GLRA3: variants seen among roughly 807,000 people sequenced by gnomAD.
The protein encoded by GLRA3 is glycine receptor alpha 3.
GLRA3 carries 44 observed loss-of-function variants against 60.4 expected under a neutral mutation model. The observed-to-expected ratio is 0.73, with a 90% confidence interval of 0.57 to 0.94. GLRA3 has a LOEUF of 0.94. GLRA3 is among the 40% of genes least tolerant of loss of function. The probability of loss-of-function intolerance (pLI) is 0.00; values close to 1 mark genes in which losing one functional copy is unlikely to be tolerated. For synonymous variants in GLRA3, 223 were observed against 192.9 expected (o/e 1.16, Z -1.29); for missense variants, 508 against 564.6 (o/e 0.90, Z 1.02).
At chr4:174,820,259 G>A (rs1578939992) in intron 1 of GLRA3, among the ~76,000 whole-genome samples, 1 of 152,292 alleles carries the variant, frequency 6.6e-6, no homozygotes, top group East Asian at 1.9e-4. Flanking sequence ...AAAATAAGCT[G>A]CACCAAATTC....
chr4:174,776,305 T>C (rs1009336743), intron 2 of GLRA3, among the ~76,000 whole-genome samples: 3 of 151,950 alleles, frequency 2.0e-5, no homozygotes, highest in Admixed American at 2.0e-4. Context: ...TGTGTCAGAG[T>C]TCCCTTTCGA....
Position 174,659,065 on chromosome 4 carries a change from T to C in GLRA3, c.1060A>G (p.Arg354Gly), listed in dbSNP as rs750510260. ...HKELLRFRRKRKNKTEAFALE... is the reference protein window; with the variant it reads ...HKELLRFRRKGKNKTEAFALE... ...GTTTAATCACTTACCTTATTCTTTC[T>C]CTTTCGTCGAAATCTCAGAAGTTCT... The change falls in exon 8 of 10, where the codon AGA becomes GGA. Residue 354 changes from arginine (R) to glycine (G), a missense_variant. This residue lies in a region of GLRA3 where 176 missense variants were observed against 197.9 expected (regional missense o/e 0.89). Transcript: ENST00000274093. 3.7e-6 allele frequency: 6 copies of C among 1,612,682 alleles called. No individual in the cohort carries two copies. The African/African-American group carries it at 5.3e-5, about 14-fold the overall frequency.
Position 174,642,099 on chromosome 4 carries a change from T to C in GLRA3, c.*1687A>G, listed in dbSNP as rs1732638638. 5.6e-6 allele frequency: 5 copies of C among 887,068 alleles called. No homozygotes were observed. The South Asian group carries it at 2.6e-4, about 46-fold the overall frequency. 54.9% of individuals were successfully genotyped at this position (887,068 alleles called of 1,614,324 possible). A position where few individuals can be genotyped will look rare whatever the true frequency, so the allele number is the denominator to read the frequency against. On this transcript the variant is annotated 3_prime_UTR_variant, in exon 10 of 10. Coordinates refer to ENST00000274093, the MANE Select transcript of GLRA3 (RefSeq NM_006529.4). ...TCCTTATAGTGTTGTTTTAAGTTAC[T>C]TATAAAGGAGGGGAACTTGGTCTTT...
At chr4:174,668,452 G>C (rs1733765370) in intron 7 of GLRA3, among the ~76,000 whole-genome samples, 1 of 152,158 alleles carries the variant, frequency 6.6e-6, no homozygotes, top group Non-Finnish European at 1.5e-5. Context: ...CTATGGTTGA[G>C]AGACCTGCCG....
At chr4:174,648,508 G>A (rs1172624751) in intron 9 of GLRA3, among the ~76,000 whole-genome samples, 1 of 152,134 alleles carries the variant, frequency 6.6e-6, no homozygotes, top group East Asian at 1.9e-4. Flanking sequence ...GAGAAGGACT[G>A]ACTGATGCTC....
chr4:174,774,524 T>C (rs953136072), intron 2 of GLRA3, among the ~76,000 whole-genome samples: 3 of 152,100 alleles, frequency 2.0e-5, no homozygotes, highest in Non-Finnish European at 4.4e-5. Flanking sequence ...TCAAATAGAA[T>C]GCAGTCAAAA....
intron 5 of GLRA3, among the ~76,000 whole-genome samples, chr4:174,703,719 C>T (rs1735410001): frequency 1.3e-5 from 2 of 152,248 alleles, no homozygotes; most frequent in South Asian, 4.1e-4. Flanking sequence ...GCTCACTTAT[C>T]TTATAAAATA....
chr4:174,815,507 G>A (rs896392217), intron 1 of GLRA3, among the ~76,000 whole-genome samples: 17 of 152,196 alleles, frequency 1.1e-4, no homozygotes, highest in Admixed American at 2.0e-4. Flanking sequence ...CTCCGCACCT[G>A]CAGCAAACTT....
chr4:174,757,682 T>C (rs1430596141), intron 3 of GLRA3, among the ~76,000 whole-genome samples: 2 of 152,136 alleles, frequency 1.3e-5, no homozygotes, highest in Admixed American at 6.5e-5. Context: ...AAATAAAAAA[T>C]GGGAAGGAAT....
At chr4:174,736,495 G>A (rs1203681001) in intron 3 of GLRA3, among the ~76,000 whole-genome samples, 1 of 151,872 alleles carries the variant, frequency 6.6e-6, no homozygotes, top group Non-Finnish European at 1.5e-5. Flanking sequence ...TCTAGTCTCT[G>A]GCAAGCACTC....
chr4:174,639,028 C>T lies in GLRA3; in HGVS notation c.*4758G>A, dbSNP rs948030444. On this transcript the variant is annotated 3_prime_UTR_variant, in exon 10 of 10. Coordinates refer to ENST00000274093, the MANE Select transcript of GLRA3 (RefSeq NM_006529.4). ...ACCACAAAAACTACTGAGAAAACCA[C>T]CTGTTCAGACACTACAAAGTCATCC... 3 of 152,158 alleles carry T rather than the reference C, an allele frequency of 2.0e-5. No homozygotes were observed. Among genetic ancestry groups the T allele is most frequent in the Admixed American group, 6.5e-5 (1 of 15,274 alleles). 9.4% of individuals were successfully genotyped at this position (152,158 alleles called of 1,614,324 possible). A position where few individuals can be genotyped will look rare whatever the true frequency, so the allele number is the denominator to read the frequency against.
chr4:174,798,111 G>C lies in GLRA3; in HGVS notation c.72-9168C>G, dbSNP rs1739641516. ...AAGGTGAGAAACATAACGTGGGTTT[G>C]AGACAGACCTTGAGACATGGGGCCA... On this transcript the variant is annotated intron_variant, in intron 1 of 9. Coordinates refer to ENST00000274093, the MANE Select transcript of GLRA3 (RefSeq NM_006529.4). Among the ~76,000 whole-genome samples, 4 of 152,276 alleles carry C rather than the reference G, an allele frequency of 2.6e-5. No individual in the cohort carries two copies. In the South Asian group the frequency reaches 8.3e-4, roughly 32 times the overall value.
chr4:174,788,012 T>A (rs959296273), intron 2 of GLRA3, among the ~76,000 whole-genome samples: 1 of 152,064 alleles, frequency 6.6e-6, no homozygotes, highest in Non-Finnish European at 1.5e-5. Context: ...AACACTTTTT[T>A]AAACTTTAGC....
At chr4:174,669,546 C>T (rs1446586772) in intron 7 of GLRA3, among the ~76,000 whole-genome samples, 1 of 152,058 alleles carries the variant, frequency 6.6e-6, no homozygotes, top group Non-Finnish European at 1.5e-5. Flanking sequence ...ATGCTTCTAA[C>T]ACAATATTTA....
intron 4 of GLRA3, among the ~76,000 whole-genome samples, chr4:174,718,597 C>G (rs1412435460): frequency 1.3e-5 from 2 of 152,128 alleles, no homozygotes; most frequent in Non-Finnish European, 2.9e-5. Context: ...TGTTTGCTGA[C>G]TCTATTATAG....
intron 1 of GLRA3, among the ~76,000 whole-genome samples, chr4:174,790,868 G>C (rs930613299): frequency 1.4e-5 from 2 of 147,070 alleles, no homozygotes; most frequent in South Asian, 2.2e-4. Flanking sequence ...GCCGGGCGTA[G>C]TGGCGGGCTC....
intron 2 of GLRA3, among the ~76,000 whole-genome samples, chr4:174,782,782 A>G (rs2111284624): frequency 6.6e-6 from 1 of 152,182 alleles, no homozygotes; most frequent in Non-Finnish European, 1.5e-5. Context: ...GACCTCTTCA[A>G]GGAGAACTAC....
Position 174,637,351 on chromosome 4 carries a change from C to T in GLRA3, c.*6435G>A, listed in dbSNP as rs778560400. 2 of 150,192 alleles carry T rather than the reference C, an allele frequency of 1.3e-5. No homozygotes were observed. Among genetic ancestry groups the T allele is most frequent in the Non-Finnish European group, 3.0e-5 (2 of 67,756 alleles). The allele number at this position is 150,192 out of a possible 1,614,324, so 9.3% of individuals were successfully genotyped here. ...TTTTTCATAGCATATCATATTATAT[C>T]TGTAGAATGTCAGGGTACTTCACTC... On this transcript the variant is annotated 3_prime_UTR_variant, in exon 10 of 10. Transcript: ENST00000274093.
chr4:174,678,117 A>G (rs1360312771), intron 6 of GLRA3, among the ~76,000 whole-genome samples: 1 of 152,230 alleles, frequency 6.6e-6, no homozygotes, highest in Non-Finnish European at 1.5e-5. Flanking sequence ...TTTCCCATTA[A>G]TAAATTTGAA....
Sources: allele counts gnomAD v4.1 joint callset (sites outside exome capture counted in the v4.1 genomes callset), GRCh38; gene constraint gnomAD v4.1.1; regional missense constraint gnomAD v4.1.1; transcripts MANE v1.5; gene names NCBI Gene and HGNC (gene_info 2026-07-23, HGNC 2026-07-21).